RCAN1: variants seen among roughly 807,000 people sequenced by gnomAD.
RCAN1 encodes regulator of calcineurin 1, also known as calcipressin-1.
A neutral mutation model predicts 22.9 loss-of-function variants in RCAN1; 11 were observed. That is an observed-to-expected ratio of 0.48 (90% confidence interval 0.30 to 0.79). RCAN1 has a LOEUF of 0.79. Ranked by LOEUF, RCAN1 falls within the 30% of genes least tolerant of loss-of-function variation. RCAN1 has a pLI of 0.06. For missense variants in RCAN1, 291 were observed against 337.8 expected (o/e 0.86, Z 1.09); for synonymous variants, 136 against 142.3 (o/e 0.96, Z 0.32).
chr21:34,588,347 C>T (rs1987867530), intron 1 of RCAN1, among the ~76,000 whole-genome samples: 1 of 152,110 alleles, frequency 6.6e-6, no homozygotes, highest in African/African-American at 2.4e-5. Context: ...AAGGATGCTT[C>T]CAGGTGTGCT....
At chr21:34,567,239 T>C (rs1987050438) in intron 1 of RCAN1, among the ~76,000 whole-genome samples, 1 of 152,214 alleles carries the variant, frequency 6.6e-6, no homozygotes, top group African/African-American at 2.4e-5. Context: ...CTCACGCCTG[T>C]AATCCCAGCA....
At chr21:34,583,735 T>A (rs1987699199) in intron 1 of RCAN1, among the ~76,000 whole-genome samples, 1 of 152,168 alleles carries the variant, frequency 6.6e-6, no homozygotes, top group African/African-American at 2.4e-5. Context: ...TGGTATTATG[T>A]TAGAGCTGCC....
At chr21:34,533,957 A>T (rs1419737645) in intron 1 of RCAN1, among the ~76,000 whole-genome samples, 1 of 152,160 alleles carries the variant, frequency 6.6e-6, no homozygotes, top group Non-Finnish European at 1.5e-5. Flanking sequence ...GCTGCGGAGG[A>T]GGGTCATGGA....
Position 34,614,735 on chromosome 21 carries a change from A to ACGGCCCGCCGG in RCAN1, c.252+24_252+25insCCGGCGGGCCG, listed in dbSNP as rs1320062108. ...CAACAAGTGTCCGCCCTCCGCCCCGACGGCCCGCCCGGCGCGGTCCTCACC... is the reference window on the plus strand; with the variant it reads ...CAACAAGTGTCCGCCCTCCGCCCCGACGGCCCGCCGGCGGCCCGCCCGGCGCGGTCCTCACC... On this transcript the variant is annotated intron_variant, in intron 1 of 3. Transcript: ENST00000313806. The surrounding 1 kb of genome is among the most constrained non-coding windows in gnomAD (Gnocchi z 6.0). 30 of 1,403,112 alleles carry ACGGCCCGCCGG rather than the reference A, an allele frequency of 2.1e-5. No individual in the cohort carries two copies. Among genetic ancestry groups the ACGGCCCGCCGG allele is most frequent in the Non-Finnish European group, 2.7e-5 (29 of 1,072,320 alleles). 86.9% of individuals were successfully genotyped at this position (1,403,112 alleles called of 1,614,324 possible).
intron 1 of RCAN1, among the ~76,000 whole-genome samples, chr21:34,610,871 AC>A (rs1285102141): frequency 6.6e-6 from 1 of 152,244 alleles, no homozygotes; most frequent in East Asian, 1.9e-4. Context: ...TCATGATAGC[AC>A]TACATCTATC....
intron 1 of RCAN1, among the ~76,000 whole-genome samples, chr21:34,600,538 G>A (rs1461785391): frequency 1.3e-5 from 2 of 152,158 alleles, no homozygotes; most frequent in East Asian, 3.9e-4. Flanking sequence ...AGGAAAGGAG[G>A]CGAGGAGACA....
intron 1 of RCAN1, among the ~76,000 whole-genome samples, chr21:34,558,260 C>T (rs887739686): frequency 3.3e-5 from 5 of 152,138 alleles, no homozygotes; most frequent in South Asian, 2.1e-4. Flanking sequence ...CCCTGCTACC[C>T]GGTGCAGGAG....
At chr21:34,528,656 C>T (rs1435599710) in intron 1 of RCAN1, among the ~76,000 whole-genome samples, 4 of 152,152 alleles carry the variant, frequency 2.6e-5, no homozygotes, top group African/African-American at 9.7e-5. Context: ...TCCTGCATTC[C>T]ACTCCTCCAG....
rs372762482 is a variant in RCAN1 at position 34,537,492 on chromosome 21, C to T, written c.253-13782G>A. Among the ~76,000 whole-genome samples the T allele has an allele frequency of 9.8e-5, 15 of 152,322 alleles. No homozygotes were observed. The East Asian group carries it at 2.7e-3, about 27-fold the overall frequency. Reference sequence around the variant, plus strand: ...CCCGGGGAGATGTGGCCACCCTGGGCCCAGAGCTCCATTTCACTGTGGCCG... The same window carrying T: ...CCCGGGGAGATGTGGCCACCCTGGGTCCAGAGCTCCATTTCACTGTGGCCG... On this transcript the variant is annotated intron_variant, in intron 1 of 3. Transcript: ENST00000313806.
At chr21:34,575,918 A>G (rs1486997495) in intron 1 of RCAN1, among the ~76,000 whole-genome samples, 5 of 152,184 alleles carry the variant, frequency 3.3e-5, no homozygotes, top group African/African-American at 1.2e-4. Flanking sequence ...AATAAACTCA[A>G]AGAATTTGGA....
Position 34,544,392 on chromosome 21 carries a change from C to T in RCAN1, c.253-20682G>A, listed in dbSNP as rs116428047. 9.0e-3 allele frequency among the ~76,000 whole-genome samples: 1,374 copies of T among 152,244 alleles called. 18 individuals carry two copies. The highest frequency in any genetic ancestry group is 0.03 in the African/African-American group (1,265 of 41,530). On this transcript the variant is annotated intron_variant, in intron 1 of 3. Coordinates refer to ENST00000313806, the MANE Select transcript of RCAN1 (RefSeq NM_004414.7). Reference sequence around the variant, plus strand: ...TGGCCTCAAGGAGCTAGAGTGGCCACGGGGATCTGAATGTGCTTAGAAGCA... The same window carrying T: ...TGGCCTCAAGGAGCTAGAGTGGCCATGGGGATCTGAATGTGCTTAGAAGCA...
chr21:34,561,149 G>A (rs1416573839), intron 1 of RCAN1, among the ~76,000 whole-genome samples: 1 of 152,148 alleles, frequency 6.6e-6, no homozygotes. Context: ...CTCCATGATT[G>A]TAAGTTTCCT....
chr21:34,571,585 C>T (rs1364926649), intron 1 of RCAN1, among the ~76,000 whole-genome samples: 1 of 152,166 alleles, frequency 6.6e-6, no homozygotes, highest in African/African-American at 2.4e-5. Flanking sequence ...GAGACAGGGT[C>T]TCACTCTGTT....
chr21:34,552,164 G>A (rs1019057195), intron 1 of RCAN1, among the ~76,000 whole-genome samples: 4 of 152,164 alleles, frequency 2.6e-5, no homozygotes, highest in African/African-American at 9.7e-5. Context: ...TTAGAGGCAC[G>A]ATACCCTTTA....
chr21:34,601,753 G>C (rs1315063621), intron 1 of RCAN1, among the ~76,000 whole-genome samples: 1 of 150,444 alleles, frequency 6.6e-6, no homozygotes, highest in South Asian at 2.1e-4. Flanking sequence ...GGGAGGCGGA[G>C]CTTGCAGTGA....
At chr21:34,544,292 C>A (rs971548972) in intron 1 of RCAN1, among the ~76,000 whole-genome samples, 1 of 152,120 alleles carries the variant, frequency 6.6e-6, no homozygotes, top group Non-Finnish European at 1.5e-5. Flanking sequence ...TTTCTGAAGT[C>A]GGAGAAAGGA....
intron 1 of RCAN1, among the ~76,000 whole-genome samples, chr21:34,539,596 T>TG (rs1367512874): frequency 6.6e-6 from 1 of 152,238 alleles, no homozygotes; most frequent in Admixed American, 6.5e-5. Flanking sequence ...CCTCACTAGA[T>TG]GCTATATATC....
At position 34,518,581 on chromosome 21, in the gene RCAN1, A is replaced by G. The variant is rs1454160932; in HGVS notation, c.587-325T>C. 1.3e-5 allele frequency among the ~76,000 whole-genome samples: 2 copies of G among 152,242 alleles called. No individual in the cohort carries two copies. The highest frequency in any genetic ancestry group is 6.5e-5 in the Admixed American group (1 of 15,284). ...CTACCCAGAGAACTCCCTTTCTGTC[A>G]GCATTTCCTCAAGTGTGAATGTGAG... On this transcript the variant is annotated intron_variant, in intron 3 of 3. Transcript: ENST00000313806. The surrounding 1 kb of genome is among the most constrained non-coding windows in gnomAD (Gnocchi z 4.2).
chr21:34,599,004 A>G, intron 1 of RCAN1, among the ~76,000 whole-genome samples: 1 of 152,174 alleles, frequency 6.6e-6, no homozygotes, highest in Admixed American at 6.5e-5. Flanking sequence ...TCTAATCCCC[A>G]GTACTGGTGA....
Sources: gnomAD v4.1 joint callset for allele counts (sites outside exome capture counted in the v4.1 genomes callset) on GRCh38, gnomAD v4.1.1 for gene constraint, Gnocchi (gnomAD v3.1) non-coding constraint, MANE v1.5 for transcripts, NCBI Gene and HGNC (gene_info 2026-07-23, HGNC 2026-07-21) for gene names.